The following ZFYVE9 variants were observed in gnomAD, a reference collection of about 807,000 sequenced individuals.
ZFYVE9 encodes zinc finger FYVE-type containing 9.
ZFYVE9 carries 43 observed loss-of-function variants against 126.7 expected under a neutral mutation model. The ratio of observed to expected loss-of-function variants is 0.34; its 90% CI spans 0.27 to 0.44. ZFYVE9 has a LOEUF of 0.44. ZFYVE9 is among the 20% of genes least tolerant of loss of function. The pLI, the probability that ZFYVE9 is intolerant of heterozygous loss-of-function variation, is 1.00. For synonymous variants in ZFYVE9, 521 were observed against 597.4 expected, an observed-to-expected ratio of 0.87 and a Z score of 1.87; for missense variants, 1,476 against 1,697.0, an observed-to-expected ratio of 0.87 and a Z score of 2.29.
intron 2 of ZFYVE9, among the ~76,000 whole-genome samples, chr1:52,232,700 C>T (rs1181442418): frequency 1.5e-5 from 2 of 135,046 alleles, no homozygotes; most frequent in African/African-American, 3.0e-5. Context: ...TGCACTCCAG[C>T]CTAGGCAACA....
intron 1 of ZFYVE9, among the ~76,000 whole-genome samples, chr1:52,173,960 GATTCA>G (rs1644599417): frequency 7.6e-6 from 1 of 132,218 alleles, no homozygotes; most frequent in African/African-American, 2.5e-5. Flanking sequence ...CCGGCTCCTG[GATTCA>G]TTAATTTTTT....
chr1:52,146,032 C>CACAT (rs1488018553), intron 1 of ZFYVE9, among the ~76,000 whole-genome samples: 2 of 150,738 alleles, frequency 1.3e-5, no homozygotes, highest in Non-Finnish European at 3.0e-5. Flanking sequence ...AATATCCACA[C>CACAT]ACACACACAC....
intron 8 of ZFYVE9, 112 bp downstream of exon 8, chr1:52,274,696 A>G: frequency 8.4e-7 from 1 of 1,184,600 alleles, no homozygotes; most frequent in Non-Finnish European, 1.1e-6. Context: ...TATCCAACAA[A>G]ACAAACTCCC....
intron 13 of ZFYVE9, among the ~76,000 whole-genome samples, chr1:52,325,098 T>C (rs1276748200): frequency 2.0e-5 from 3 of 151,986 alleles, no homozygotes; most frequent in African/African-American, 7.2e-5. Flanking sequence ...GCTAACATGG[T>C]GAAACCCTAT....
intron 1 of ZFYVE9, chr1:52,179,711 C>A: frequency 2.9e-6 from 1 of 345,692 alleles, no homozygotes; most frequent in Non-Finnish European, 5.3e-6. Context: ...AGAGGAAAAT[C>A]AATAGAGAGT....
At chr1:52,219,749 TTGTGTGTGTGTGTGTGTGTGTGTGTGTG>T (rs56340178) in intron 2 of ZFYVE9, among the ~76,000 whole-genome samples, 8 of 113,344 alleles carry the variant, frequency 7.1e-5, no homozygotes, top group South Asian at 3.6e-4. Context: ...CCAAGATCTT[TTGTGTGTGTGTGTGTGTGTGTGTGTGTG>T]TGTGTGTGTG....
intron 13 of ZFYVE9, among the ~76,000 whole-genome samples, chr1:52,326,788 G>C (rs958327918): frequency 2.0e-5 from 3 of 151,294 alleles, no homozygotes; most frequent in Admixed American, 1.3e-4. Context: ...AGAATCACTT[G>C]AACCCAGGAC....
At chr1:52,298,966 G>A (rs545748891) in intron 12 of ZFYVE9, among the ~76,000 whole-genome samples, 82 of 151,938 alleles carry the variant, frequency 5.4e-4, no homozygotes, top group African/African-American at 2.0e-3. Flanking sequence ...CCGCCACCAC[G>A]CCTGGCCAAT....
At chr1:52,182,378 G>A (rs1385178660) in intron 1 of ZFYVE9, among the ~76,000 whole-genome samples, 1 of 151,896 alleles carries the variant, frequency 6.6e-6, no homozygotes, top group African/African-American at 2.4e-5. Flanking sequence ...AGTAGACATG[G>A]GAGACTTTTC....
chr1:52,180,831 C>G (rs551841984), intron 1 of ZFYVE9, among the ~76,000 whole-genome samples: 2 of 151,824 alleles, frequency 1.3e-5, no homozygotes, highest in African/African-American at 4.8e-5. Flanking sequence ...CAAAAATAGC[C>G]GGGCGTGGTG....
chr1:52,170,823 C>T (rs984096067), intron 1 of ZFYVE9, among the ~76,000 whole-genome samples: 8 of 151,982 alleles, frequency 5.3e-5, no homozygotes, highest in Admixed American at 5.3e-4. Context: ...GAGAAGATGC[C>T]TGATATTTCC....
chr1:52,153,526 A>G (rs764501309), intron 1 of ZFYVE9, among the ~76,000 whole-genome samples: 4 of 152,204 alleles, frequency 2.6e-5, no homozygotes, highest in Non-Finnish European at 5.9e-5. Flanking sequence ...GGCAGGGAGT[A>G]TTAAGTGGTA....
chr1:52,169,344 G>A (rs1644543255), intron 1 of ZFYVE9, among the ~76,000 whole-genome samples: 1 of 152,096 alleles, frequency 6.6e-6, no homozygotes, highest in Non-Finnish European at 1.5e-5. Context: ...AGGCTGCCAT[G>A]AGCCATGATT....
At chr1:52,248,647 TTTG>T (rs1645414277) in intron 4 of ZFYVE9, among the ~76,000 whole-genome samples, 1 of 152,228 alleles carries the variant, frequency 6.6e-6, no homozygotes, top group Admixed American at 6.5e-5. Flanking sequence ...TGTACCACAT[TTTG>T]TTAATTCATT....
At chr1:52,330,064 T>TA (rs1195484001) in intron 13 of ZFYVE9, among the ~76,000 whole-genome samples, 1 of 151,024 alleles carries the variant, frequency 6.6e-6, no homozygotes. Flanking sequence ...CCATAGTCTC[T>TA]AAAAAAAAGA....
intron 1 of ZFYVE9, among the ~76,000 whole-genome samples, chr1:52,167,390 A>C (rs1391313158): frequency 6.6e-6 from 1 of 152,216 alleles, no homozygotes. Flanking sequence ...TGGTAAGTGG[A>C]CGAAGCCAGT....
At position 52,346,466 on chromosome 1, in the gene ZFYVE9, A is replaced by G. The variant is rs1483175689; in HGVS notation, c.*245A>G. On this transcript the variant is annotated 3_prime_UTR_variant, in exon 19 of 19. Transcript: ENST00000287727. ...TCTGGGCAGCTTCTGTTCCTGCACA[A>G]CAGTTATGCTATCCTTGCAGCTAAT... The G allele has an allele frequency of 9.1e-6, 4 of 441,318 alleles. No homozygotes were observed. Among genetic ancestry groups the G allele is most frequent in the Non-Finnish European group, 1.6e-5 (4 of 250,268 alleles). 27.3% of individuals were successfully genotyped at this position (441,318 alleles called of 1,614,324 possible).
chr1:52,148,745 G>A (rs1644326989), intron 1 of ZFYVE9, among the ~76,000 whole-genome samples: 4 of 150,546 alleles, frequency 2.7e-5, no homozygotes, highest in Admixed American at 2.0e-4. Flanking sequence ...AGATTCAAGC[G>A]ATCCTCCTGC....
At chr1:52,174,763 CTTCT>C (rs1448480265) in intron 1 of ZFYVE9, among the ~76,000 whole-genome samples, 2 of 152,000 alleles carry the variant, frequency 1.3e-5, no homozygotes. Context: ...ATGTAATGGC[CTTCT>C]TTGTCTCTTT....
Sources: allele counts gnomAD v4.1 joint callset (sites outside exome capture counted in the v4.1 genomes callset), GRCh38; gene constraint gnomAD v4.1.1; transcripts MANE v1.5; gene names NCBI Gene and HGNC (gene_info 2026-07-23, HGNC 2026-07-21).